Variants in FANCC observed in about 807,000 individuals in gnomAD.
FANCC encodes FA complementation group C, also known as Fanconi anemia group C protein.
In FANCC, 55 loss-of-function variants were observed where a neutral mutation model predicts 71.3. That is an observed-to-expected ratio of 0.77 (90% CI 0.62 to 0.97). The LOEUF (loss-of-function observed/expected upper bound fraction) is 0.97, where lower values mean the gene tolerates loss of function less well. Among genes scored for constraint, FANCC ranks in the 50% least tolerant of loss-of-function variants. The pLI is 0.00. For missense variants in FANCC, 678 were observed against 670.9 expected (o/e 1.01, Z -0.12); for synonymous variants, 275 against 244.9 (o/e 1.12, Z -1.15).
chr9:95,308,760 T>C (rs1362892414), intron 1 of FANCC, among the ~76,000 whole-genome samples: 1 of 152,218 alleles, frequency 6.6e-6, no homozygotes, highest in Non-Finnish European at 1.5e-5. Flanking sequence ...CGTGTAGAAC[T>C]AAATGAAGAT....
chr9:95,156,142 T>A (rs1407853647), intron 6 of FANCC, among the ~76,000 whole-genome samples: 1 of 152,220 alleles, frequency 6.6e-6, no homozygotes. Flanking sequence ...TTAAGAATGC[T>A]TGTTTTTCAA....
chr9:95,226,845 C>T (rs1477915304), intron 4 of FANCC, among the ~76,000 whole-genome samples: 1 of 152,104 alleles, frequency 6.6e-6, no homozygotes, highest in Non-Finnish European at 1.5e-5. Flanking sequence ...TCTGCTTTGC[C>T]CAAGGTCACA....
intron 1 of FANCC, among the ~76,000 whole-genome samples, chr9:95,274,813 T>C (rs1251307947): frequency 7.9e-5 from 12 of 152,092 alleles, no homozygotes; most frequent in Admixed American, 7.9e-4. Flanking sequence ...TGATACACAG[T>C]ATGGGCACTG....
intron 8 of FANCC, among the ~76,000 whole-genome samples, chr9:95,129,199 T>A (rs1826484186): frequency 6.6e-6 from 1 of 152,176 alleles, no homozygotes; most frequent in African/African-American, 2.4e-5. Flanking sequence ...CTCCTTCTCA[T>A]CTGCACCCCT....
At chr9:95,170,793 CTTTCTTTTATGCTCCCTACTGTGTA>C (rs45578031) in intron 6 of FANCC, among the ~76,000 whole-genome samples, 32 of 152,032 alleles carry the variant, frequency 2.1e-4, no homozygotes, top group South Asian at 1.9e-3. Context: ...AAGTACTGCT[CTTTCTTTTATGCTCCCTACTGTGTA>C]TGTAGGGCTT....
intron 1 of FANCC, among the ~76,000 whole-genome samples, chr9:95,274,652 A>G (rs142107657): frequency 2.0e-4 from 31 of 152,354 alleles, no homozygotes; most frequent in African/African-American, 7.2e-4. Context: ...ACAGTGTAAA[A>G]GCAAGGAACC....
At chr9:95,162,435 T>TA (rs1830806559) in intron 6 of FANCC, among the ~76,000 whole-genome samples, 1 of 152,234 alleles carries the variant, frequency 6.6e-6, no homozygotes, top group Non-Finnish European at 1.5e-5. Flanking sequence ...AAATATCTCT[T>TA]AGAGATTTTG....
chr9:95,275,561 T>C (rs746841803), intron 1 of FANCC, among the ~76,000 whole-genome samples: 4 of 151,992 alleles, frequency 2.6e-5, no homozygotes, highest in South Asian at 2.1e-4. Flanking sequence ...GTGGGGGATG[T>C]TGACAGTAGG....
At chr9:95,310,427 CAG>C (rs2136415033) in intron 1 of FANCC, among the ~76,000 whole-genome samples, 1 of 151,946 alleles carries the variant, frequency 6.6e-6, no homozygotes, top group African/African-American at 2.4e-5. Flanking sequence ...AGTCCAGAAA[CAG>C]GGCAGACTTC....
intron 1 of FANCC, among the ~76,000 whole-genome samples, chr9:95,303,811 G>C (rs1834902471): frequency 6.6e-6 from 1 of 152,156 alleles, no homozygotes; most frequent in Admixed American, 6.5e-5. Flanking sequence ...AATGGGGGAG[G>C]GGTGGACACA....
intron 4 of FANCC, among the ~76,000 whole-genome samples, chr9:95,187,301 G>C (rs944076022): frequency 5.7e-4 from 87 of 152,200 alleles, no homozygotes; most frequent in South Asian, 8.3e-4. Flanking sequence ...CCCAGTTCCT[G>C]GGTTCTGGAT....
rs975025142 is a variant in FANCC, at chr9:95,171,897, A to T, written c.456+140T>A. ...CACATTTCTTCCGTACATGGCCATA[A>T]GTCTGCCCAAGGTAAGAAGAGATAA... On this transcript the variant is annotated intron_variant, in intron 5 of 14. Transcript: ENST00000289081. 5 of 663,826 alleles carry T rather than the reference A, an allele frequency of 7.5e-6. No individual in the cohort carries two copies. In the African/African-American group the frequency reaches 9.0e-5, roughly 12 times the overall value. The allele number at this position is 663,826 out of a possible 1,614,324, so 41.1% of individuals were successfully genotyped here.
chr9:95,315,610 T>C (rs651009), intron 1 of FANCC, among the ~76,000 whole-genome samples: 142,791 of 152,320 alleles, frequency 0.94, 66,940 homozygotes, highest in Middle Eastern at 0.98. Context: ...TGTATGTATT[T>C]TTTCACATTA....
At chr9:95,202,584 T>C (rs1445933602) in intron 4 of FANCC, among the ~76,000 whole-genome samples, 1 of 152,250 alleles carries the variant, frequency 6.6e-6, no homozygotes, top group Non-Finnish European at 1.5e-5. Flanking sequence ...TCAGATGTTA[T>C]GGGACTCTTT....
At chr9:95,111,686 C>T (rs374621592) in intron 12 of FANCC, 49 bp from the exon 13 acceptor site, 1 of 1,611,354 alleles carries the variant, frequency 6.2e-7, no homozygotes, top group African/African-American at 1.3e-5. Flanking sequence ...AATTCTTCTT[C>T]CTTTGGGTTT....
intron 1 of FANCC, among the ~76,000 whole-genome samples, chr9:95,304,444 AT>A (rs1340796557): frequency 1.3e-5 from 2 of 151,808 alleles, no homozygotes; most frequent in Non-Finnish European, 2.9e-5. Context: ...AACCTCTTTA[AT>A]TTTTTTTAAA....
intron 3 of FANCC, among the ~76,000 whole-genome samples, chr9:95,243,899 G>A (rs1164028557): frequency 1.3e-5 from 2 of 152,240 alleles, no homozygotes; most frequent in Non-Finnish European, 2.9e-5. Context: ...ACATCTGACT[G>A]CTAATGGAGT....
intron 4 of FANCC, among the ~76,000 whole-genome samples, chr9:95,183,860 T>G (rs913614579): frequency 3.3e-5 from 5 of 152,222 alleles, no homozygotes; most frequent in Non-Finnish European, 7.3e-5. Flanking sequence ...ATCTACATAT[T>G]TTAAAACATG....
chr9:95,281,055 C>A (rs1029306179), intron 1 of FANCC, among the ~76,000 whole-genome samples: 1 of 151,994 alleles, frequency 6.6e-6, no homozygotes, highest in African/African-American at 2.4e-5. Context: ...TGAGTAACAT[C>A]TAAAGAGCAA....
Sources: allele counts gnomAD v4.1 joint callset (sites outside exome capture counted in the v4.1 genomes callset), GRCh38; gene constraint gnomAD v4.1.1; transcripts MANE v1.5; gene names NCBI Gene and HGNC (gene_info 2026-07-23, HGNC 2026-07-21).